Variants in KLF17 observed in about 807,000 individuals in gnomAD.
The protein encoded by KLF17 is KLF transcription factor 17, also known as Krueppel-like factor 17.
A neutral mutation model predicts 34.2 loss-of-function variants in KLF17; 31 were observed. That is an observed-to-expected ratio of 0.91 (90% CI 0.68 to 1.22). The LOEUF is 1.22. Ranked by LOEUF, KLF17 falls within the 50% of genes most tolerant of loss-of-function variation. The pLI, the probability that KLF17 is intolerant of heterozygous loss-of-function variation, is 0.00. For synonymous variants in KLF17, 179 were observed against 186.7 expected (o/e 0.96, Z 0.34); for missense variants, 478 against 505.2 (o/e 0.95, Z 0.52).
chr1:44,129,893 A>G lies in KLF17; in HGVS notation c.622A>G (p.Met208Val), dbSNP rs759744470. Residue 208 changes from methionine to valine, a missense_variant, in exon 2 of 4, where the codon ATG (methionine) becomes GTG (valine). Met to Val is a conservative substitution (Grantham distance 21). Coordinates refer to ENST00000372299, the MANE Select transcript of KLF17 (RefSeq NM_173484.4). The stretch of plus-strand genomic sequence containing the variant: ...TGAGGCCCAGGCAGTGCTCCCCTCC[A>G]TGGCTCAGATGTTGCCCCCGCAAGA... ...STEAQAVLPS[M>V]AQMLPPQDAH... 11 of 1,614,116 alleles carry G rather than the reference A, an allele frequency of 6.8e-6. No individual in the cohort carries two copies. Among genetic ancestry groups the G allele is most frequent in the East Asian group, 2.2e-5 (1 of 44,864 alleles).
At chr1:44,118,310 C>T (rs1417674147), upstream of KLF17, among the ~76,000 whole-genome samples, 1 of 152,226 alleles carries the variant, frequency 6.6e-6, no homozygotes, top group African/African-American at 2.4e-5. Flanking sequence ...ACGGGGCACT[C>T]AGTAAACACT....
chr1:44,062,085 CT>C, the KLF17 span, among the ~76,000 whole-genome samples: 1 of 152,170 alleles, frequency 6.6e-6, no homozygotes, highest in Non-Finnish European at 1.5e-5. Flanking sequence ...GAATTCTTTC[CT>C]GAGTGAAGCC....
At chr1:44,105,227 G>A in the KLF17 span, 1 of 152,280 alleles carries the variant, frequency 6.6e-6, no homozygotes, top group Non-Finnish European at 1.5e-5. Flanking sequence ...TCTAGAGATA[G>A]AATGGGGTGT....
chr1:44,130,372 G>A, intron 2 of KLF17, 140 bp from the exon 3 acceptor site: 2 of 1,372,144 alleles, frequency 1.5e-6, no homozygotes, highest in Non-Finnish European at 1.0e-6. Flanking sequence ...ACTGGGGCGG[G>A]CACTCCTGAT....
the KLF17 span, among the ~76,000 whole-genome samples, chr1:44,090,306 C>CAA: frequency 2.6e-3 from 60 of 23,414 alleles, 10 homozygotes; most frequent in African/African-American, 7.3e-3. Context: ...CTTGTCTCTA[C>CAA]AAAAAAAAAA....
chr1:44,085,924 G>C, the KLF17 span, among the ~76,000 whole-genome samples: 2 of 151,874 alleles, frequency 1.3e-5, no homozygotes. Context: ...CACTGAGGTA[G>C]ACTGAGGAAG....
chr1:44,054,086 C>A, the KLF17 span, among the ~76,000 whole-genome samples: 2 of 152,180 alleles, frequency 1.3e-5, no homozygotes, highest in Non-Finnish European at 2.9e-5. Flanking sequence ...AAGATGAAAA[C>A]CCTGCTCTAT....
the KLF17 span, among the ~76,000 whole-genome samples, chr1:44,094,615 T>C: frequency 1.3e-5 from 2 of 152,208 alleles, no homozygotes; most frequent in African/African-American, 4.8e-5. Flanking sequence ...CCCCAATGTA[T>C]GTTTTTAGCA....
chr1:44,066,232 A>ATTGCTTGAG, the KLF17 span, among the ~76,000 whole-genome samples: 1,097 of 151,158 alleles, frequency 7.3e-3, 13 homozygotes, highest in African/African-American at 0.025. Flanking sequence ...AGGTGGGAGG[A>ATTGCTTGAG]TTGCTTGAGC....
chr1:44,079,705 G>A, the KLF17 span, among the ~76,000 whole-genome samples: 1 of 152,010 alleles, frequency 6.6e-6, no homozygotes, highest in Admixed American at 6.6e-5. Context: ...TAATCCTCCT[G>A]GAAAATATTT....
the KLF17 span, among the ~76,000 whole-genome samples, chr1:44,095,825 T>C: frequency 6.6e-6 from 1 of 151,982 alleles, no homozygotes; most frequent in Non-Finnish European, 1.5e-5. Flanking sequence ...TTTTTTCATA[T>C]TGTTCAGCTG....
the KLF17 span, among the ~76,000 whole-genome samples, chr1:44,080,076 G>A: frequency 2.0e-4 from 30 of 151,576 alleles, no homozygotes; most frequent in African/African-American, 6.5e-4. Flanking sequence ...TTACAGGTGC[G>A]TGCCACCATG....
intron 1 of KLF17, chr1:44,122,652 T>C: frequency 1.7e-6 from 1 of 599,148 alleles, no homozygotes. Flanking sequence ...TGGAGTGCAG[T>C]GGCACGATCT....
At chr1:44,099,325 G>A in the KLF17 span, among the ~76,000 whole-genome samples, 46 of 152,106 alleles carry the variant, frequency 3.0e-4, no homozygotes, top group African/African-American at 1.1e-3. Context: ...GATTACTTGA[G>A]CCCAAGAACT....
chr1:44,078,468 CT>C, the KLF17 span, among the ~76,000 whole-genome samples: 1 of 146,958 alleles, frequency 6.8e-6, no homozygotes, highest in South Asian at 2.1e-4. Context: ...GAGTTTTGCC[CT>C]GTTGCCAGGC....
chr1:44,085,160 T>C, the KLF17 span, among the ~76,000 whole-genome samples: 1 of 151,974 alleles, frequency 6.6e-6, no homozygotes, highest in Admixed American at 6.6e-5. Context: ...ATACATATAG[T>C]TGTAGTTGCT....
At chr1:44,099,915 A>AAGAAAGAG in the KLF17 span, among the ~76,000 whole-genome samples, 1 of 74,164 alleles carries the variant, frequency 1.3e-5, no homozygotes, top group East Asian at 4.1e-4. Flanking sequence ...GAAAGAAAGA[A>AAGAAAGAG]AGAAAAGAAA....
chr1:44,082,333 T>G, the KLF17 span, among the ~76,000 whole-genome samples: 1 of 152,244 alleles, frequency 6.6e-6, no homozygotes, highest in South Asian at 2.1e-4. Context: ...ATAATTACAT[T>G]GGCTATTGGC....
At chr1:44,097,973 T>C in the KLF17 span, among the ~76,000 whole-genome samples, 1 of 152,156 alleles carries the variant, frequency 6.6e-6, no homozygotes, top group Non-Finnish European at 1.5e-5. Context: ...TTCCACTTGA[T>C]CATGATGAAT....
Sources: gnomAD v4.1 joint callset for allele counts (sites outside exome capture counted in the v4.1 genomes callset) on GRCh38, gnomAD v4.1.1 for gene constraint, MANE v1.5 for transcripts, NCBI Gene and HGNC (gene_info 2026-07-23, HGNC 2026-07-21) for gene names.